Variants in EBF3 observed in about 807,000 individuals in gnomAD.
The protein encoded by EBF3 is EBF transcription factor 3, also known as transcription factor COE3.
A neutral mutation model predicts 77.1 loss-of-function variants in EBF3; 18 were observed. That is an observed-to-expected ratio of 0.23 (90% CI 0.16 to 0.35). The LOEUF is 0.35. Among genes scored for constraint, EBF3 ranks in the 10% least tolerant of loss-of-function variants. EBF3 has a pLI of 1.00. For missense variants in EBF3, 558 were observed against 860.0 expected (o/e 0.65, Z 4.39); for synonymous variants, 350 against 343.5 (o/e 1.02, Z -0.21).
At chr10:129,932,779 C>T (rs867826922) in intron 6 of EBF3, among the ~76,000 whole-genome samples, 1 of 152,194 alleles carries the variant, frequency 6.6e-6, no homozygotes, top group South Asian at 2.1e-4. Context: ...ACAGAGCCGG[C>T]ATGTGACCAG....
intron 10 of EBF3, among the ~76,000 whole-genome samples, chr10:129,858,419 A>G (rs1180000900): frequency 6.6e-6 from 1 of 152,104 alleles, no homozygotes; most frequent in Non-Finnish European, 1.5e-5. Context: ...AGGAGCCGCC[A>G]CCCTCAGGTT....
rs76418479 is a variant in EBF3, at chr10:129,841,488, G to C, written c.1373-456C>G. 6.6e-6 allele frequency among the ~76,000 whole-genome samples: 1 copy of C among 152,156 alleles called. No individual in the cohort carries two copies. The highest frequency in any genetic ancestry group is 2.4e-5 in the African/African-American group (1 of 41,430). On this transcript the variant is annotated intron_variant, in intron 13 of 16. Coordinates refer to ENST00000440978, the MANE Select transcript of EBF3 (RefSeq NM_001375380.1). The surrounding 1 kb of genome is among the most constrained non-coding windows in gnomAD (Gnocchi z 4.6). ...GTTATTTCTATACATGGGGGCGTTC[G>C]GGGGACATGGAAGCTTCATTCCTGC...
intron 10 of EBF3, among the ~76,000 whole-genome samples, chr10:129,862,082 G>A (rs1851680311): frequency 6.6e-6 from 1 of 152,182 alleles, no homozygotes; most frequent in Non-Finnish European, 1.5e-5. Flanking sequence ...CCCTCACCCA[G>A]GGCCAGGACA....
At position 129,837,840 on chromosome 10, in the gene EBF3, G is replaced by GTTTC. The variant is rs1849703998; in HGVS notation, c.*99_*102dup. 5.4e-6 allele frequency: 8 copies of GTTTC among 1,486,154 alleles called. No individual in the cohort carries two copies. Among genetic ancestry groups the GTTTC allele is most frequent in the Non-Finnish European group, 5.6e-6 (6 of 1,073,248 alleles). The allele number at this position is 1,486,154 out of a possible 1,614,324, so 92.1% of individuals were successfully genotyped here. Reference sequence around the variant, plus strand: ...TGCTGCTGATTTTTTTGAAGATACTGTTTCCATCAGCATGTCTTAATATAC... The same window carrying GTTTC: ...TGCTGCTGATTTTTTTGAAGATACTGTTTCTTTCCATCAGCATGTCTTAATATAC... On this transcript the variant is annotated 3_prime_UTR_variant, in exon 17 of 17. Transcript: ENST00000440978.
intron 6 of EBF3, among the ~76,000 whole-genome samples, chr10:129,916,728 T>G (rs972864842): frequency 6.6e-6 from 1 of 152,150 alleles, no homozygotes; most frequent in Non-Finnish European, 1.5e-5. Context: ...TAATGGACCC[T>G]TCGCTGAGGC....
Position 129,837,959 on chromosome 10 carries a change from A to C in EBF3, c.1874T>G (p.Leu625Arg), listed in dbSNP as rs1849713252. Reference protein sequence around the residue: ...ELMLKKGTGKLCLGW With the variant: ...ELMLKKGTGKRCLGW The stretch of plus-strand genomic sequence containing the variant: ...TTGGCGGGACTACCAGCCCAGACAT[A>C]GCTGCAAGACAGAAGGACAGAGCAG... The change falls in exon 17 of 17, where the codon CTA becomes CGA. Residue 625 changes from leucine to arginine, a missense_variant and splice_region_variant. Transcript: ENST00000440978. 1 of 1,613,966 alleles carries C rather than the reference A, an allele frequency of 6.2e-7. No homozygotes were observed. The highest frequency in any genetic ancestry group is 8.5e-7 in the Non-Finnish European group (1 of 1,180,000).
chr10:129,958,907 C>T (rs998706685), intron 5 of EBF3, 27 bp downstream of exon 5: 2 of 1,582,574 alleles, frequency 1.3e-6, no homozygotes, highest in African/African-American at 1.4e-5. Context: ...CAGCCCGCGC[C>T]CCCGCCGCCC....
chr10:129,846,761 C>T (rs1354779042), intron 11 of EBF3, among the ~76,000 whole-genome samples: 2 of 152,034 alleles, frequency 1.3e-5, no homozygotes, highest in Non-Finnish European at 2.9e-5. Context: ...TCATCTCGTT[C>T]AGTGATCGTT....
chr10:129,916,754 C>T (rs952533359), intron 6 of EBF3, among the ~76,000 whole-genome samples: 6 of 152,180 alleles, frequency 3.9e-5, no homozygotes, highest in African/African-American at 1.4e-4. Flanking sequence ...CCTGACCTCT[C>T]AGGGCTCCGG....
intron 6 of EBF3, among the ~76,000 whole-genome samples, chr10:129,930,487 CT>C (rs1856935969): frequency 6.8e-6 from 1 of 147,778 alleles, no homozygotes. Context: ...ACAAATCCCC[CT>C]CTCATATATC....
chr10:129,858,546 G>C (rs1175109086), intron 10 of EBF3, among the ~76,000 whole-genome samples: 1 of 152,164 alleles, frequency 6.6e-6, no homozygotes, highest in Non-Finnish European at 1.5e-5. Flanking sequence ...GGGCTAGAAG[G>C]GATGGCCATC....
chr10:129,940,923 G>A (rs942944312), intron 6 of EBF3, among the ~76,000 whole-genome samples: 7 of 152,272 alleles, frequency 4.6e-5, no homozygotes, highest in African/African-American at 1.7e-4. Flanking sequence ...GTAAAACCAG[G>A]TAGGTCCCCG....
At chr10:129,888,411 C>T (rs979027106) in intron 6 of EBF3, among the ~76,000 whole-genome samples, 1 of 152,272 alleles carries the variant, frequency 6.6e-6, no homozygotes, top group Non-Finnish European at 1.5e-5. Flanking sequence ...TCATCTGTTA[C>T]ATTTCCTTCC....
chr10:129,869,367 T>G (rs1437426031), intron 8 of EBF3, among the ~76,000 whole-genome samples: 2 of 152,190 alleles, frequency 1.3e-5, no homozygotes, highest in Non-Finnish European at 2.9e-5. Flanking sequence ...TGGTAAACAA[T>G]TAGTGGCTTA....
At chr10:129,928,513 C>T (rs775972542) in intron 6 of EBF3, among the ~76,000 whole-genome samples, 2 of 152,188 alleles carry the variant, frequency 1.3e-5, no homozygotes, top group African/African-American at 2.4e-5. Context: ...TCACAGCTCC[C>T]TGTTGTGGGG....
chr10:129,946,969 G>A (rs1358684871), intron 6 of EBF3, among the ~76,000 whole-genome samples: 2 of 152,192 alleles, frequency 1.3e-5, no homozygotes, highest in African/African-American at 2.4e-5. Context: ...GCTGGCCGGG[G>A]ACCTGGCAGC....
chr10:129,925,954 C>A (rs1041965661), intron 6 of EBF3, among the ~76,000 whole-genome samples: 1 of 152,096 alleles, frequency 6.6e-6, no homozygotes, highest in Non-Finnish European at 1.5e-5. Flanking sequence ...TCTGTGGAAT[C>A]CCTAAACTGG....
At chr10:129,844,406 C>G (rs1168985705) in intron 11 of EBF3, among the ~76,000 whole-genome samples, 1 of 152,208 alleles carries the variant, frequency 6.6e-6, no homozygotes, top group Admixed American at 6.5e-5. Flanking sequence ...CTTATGATTT[C>G]TGCAGATTCA....
At position 129,842,183 on chromosome 10, in the gene EBF3, C is replaced by T. The variant is rs1342914629; in HGVS notation, c.1305G>A (p.Met435Ile). The T allele has an allele frequency of 6.2e-7, 1 of 1,614,250 alleles. No individual in the cohort carries two copies. The change falls in exon 13 of 17, where the codon ATG (methionine) becomes ATA (isoleucine). Residue 435 changes from methionine to isoleucine, a missense_variant. Met to Ile is a conservative substitution (Grantham distance 10, BLOSUM62 1). Transcript: ENST00000440978. This position sits in a 1 kb window ranked among gnomAD's most constrained non-coding sequence, Gnocchi z 4.4. Reference sequence around the variant, plus strand: ...GCTGGCTGCTGAAGGAGTTGACGCCCATCATGCCCGTGTGTGCAGGGTTGT... The same window carrying T: ...GCTGGCTGCTGAAGGAGTTGACGCCTATCATGCCCGTGTGTGCAGGGTTGT... ...LGNNPAHTGMMGVNSFSSQLA... is the reference protein window; with the variant it reads ...LGNNPAHTGMIGVNSFSSQLA...
Sources: gnomAD v4.1 joint callset for allele counts (sites outside exome capture counted in the v4.1 genomes callset) on GRCh38, gnomAD v4.1.1 for gene constraint, Gnocchi (gnomAD v3.1) non-coding constraint, MANE v1.5 for transcripts, NCBI Gene and HGNC (gene_info 2026-07-23, HGNC 2026-07-21) for gene names.